ARID1B: variants seen among roughly 807,000 people sequenced by gnomAD.
The protein encoded by ARID1B is AT-rich interactive domain-containing protein 1B.
Under a neutral mutation model 212.3 loss-of-function variants are expected in ARID1B, and 30 were observed. That is an observed-to-expected ratio of 0.14 (90% CI 0.11 to 0.19). The LOEUF is 0.19. ARID1B is among the 10% of genes least tolerant of loss of function. The probability of loss-of-function intolerance (pLI) is 1.00; values close to 1 mark genes in which losing one functional copy is unlikely to be tolerated. For missense variants in ARID1B, 2,891 were observed against 3,204.0 expected (o/e 0.90, Z 2.36); for synonymous variants, 1,402 against 1,301.7 (o/e 1.08, Z -1.66).
At chr6:157,167,444 T>TA in intron 9 of ARID1B, 1 of 316,234 alleles carries the variant, frequency 3.2e-6, no homozygotes, top group Non-Finnish European at 5.7e-6. Flanking sequence ...TGGAGATTGT[T>TA]AAATATGCAC....
At position 156,778,748 on chromosome 6, in the gene ARID1B, C is replaced by T. The variant is rs1778892579; in HGVS notation, c.1068C>T (p.Ala356=). 1 of 1,524,722 alleles carries T rather than the reference C, an allele frequency of 6.6e-7. No individual in the cohort carries two copies. Among genetic ancestry groups the T allele is most frequent in the Non-Finnish European group, 8.8e-7 (1 of 1,134,322 alleles). The allele number at this position is 1,524,722 out of a possible 1,614,324, so 94.4% of individuals were successfully genotyped here. A position where few individuals can be genotyped will look rare whatever the true frequency, so the allele number is the denominator to read the frequency against. Residue 356 remains alanine (A), a synonymous_variant, in exon 1 of 20, where the codon GCC becomes GCT. Transcript: ENST00000636930. ...TGATGCACTCCGCCTCCGCCGCCGC[C>T]GCCGGGGCCCCCGGCAGCATGGACC... The part of the protein sequence containing the change: ...MGMMHSASAA[A]AGAPGSMDPL...
chr6:156,879,903 G>A (rs751645700), intron 2 of ARID1B, among the ~76,000 whole-genome samples: 9 of 152,342 alleles, frequency 5.9e-5, no homozygotes, highest in East Asian at 5.8e-4. Flanking sequence ...TGGGAGAAAA[G>A]CAAAGCAAAA....
At chr6:157,110,772 A>T (rs755101691) in intron 6 of ARID1B, 1 of 594,990 alleles carries the variant, frequency 1.7e-6, no homozygotes, top group Non-Finnish European at 3.0e-6. Flanking sequence ...GTCAAAGTAC[A>T]GTTCAAGGCC....
At chr6:156,923,704 CT>C (rs775655637) in intron 3 of ARID1B, among the ~76,000 whole-genome samples, 847 of 139,830 alleles carry the variant, frequency 6.1e-3, no homozygotes, top group Middle Eastern at 7.2e-3. Context: ...AGTTGATTCT[CT>C]TTTTTTTTTT....
intron 7 of ARID1B, among the ~76,000 whole-genome samples, chr6:157,146,386 C>T (rs1789723842): frequency 6.6e-6 from 1 of 152,172 alleles, no homozygotes; most frequent in African/African-American, 2.4e-5. Flanking sequence ...GCAGGCAGTG[C>T]AGAGGCTCAC....
intron 1 of ARID1B, among the ~76,000 whole-genome samples, chr6:156,808,785 C>T (rs936220891): frequency 6.6e-6 from 1 of 152,094 alleles, no homozygotes; most frequent in Non-Finnish European, 1.5e-5. Flanking sequence ...AATATCAATG[C>T]TCTTATTTTT....
chr6:156,824,942 G>A (rs1224105779), intron 1 of ARID1B, among the ~76,000 whole-genome samples: 1 of 151,060 alleles, frequency 6.6e-6, no homozygotes, highest in African/African-American at 2.4e-5. Context: ...TTGGCTCACT[G>A]CAACCTCTGC....
At chr6:156,830,347 A>G (rs1240231391) in intron 2 of ARID1B, among the ~76,000 whole-genome samples, 1 of 152,210 alleles carries the variant, frequency 6.6e-6, no homozygotes, top group Non-Finnish European at 1.5e-5. Flanking sequence ...GGTAACCCAC[A>G]ACAGGGCTTG....
chr6:156,826,104 T>C (rs1269968818), intron 1 of ARID1B, among the ~76,000 whole-genome samples: 1 of 152,198 alleles, frequency 6.6e-6, no homozygotes, highest in African/African-American at 2.4e-5. Context: ...ATGTCTTGGC[T>C]GGTGAAAGTA....
chr6:157,152,593 T>C (rs964468880), intron 8 of ARID1B, among the ~76,000 whole-genome samples: 3 of 152,238 alleles, frequency 2.0e-5, no homozygotes. Context: ...CACTTCGCAA[T>C]GCACATAACC....
intron 4 of ARID1B, among the ~76,000 whole-genome samples, chr6:156,953,467 A>G (rs1217481023): frequency 6.6e-6 from 1 of 152,240 alleles, no homozygotes; most frequent in Non-Finnish European, 1.5e-5. Context: ...GGAGCAAGAG[A>G]AAAGGAAGGC....
Position 157,182,620 on chromosome 6 carries a change from G to A in ARID1B, c.3714+1442G>A, listed in dbSNP as rs185379726. On this transcript the variant is annotated intron_variant, in intron 12 of 19. Coordinates refer to ENST00000636930, the MANE Select transcript of ARID1B (RefSeq NM_001374828.1). ...CAGTGCTGCGTCTCGGGGGAGAAAGGGGAGGCCTTCTTTGTGCTTAGCCTT... is the reference window on the plus strand; with the variant it reads ...CAGTGCTGCGTCTCGGGGGAGAAAGAGGAGGCCTTCTTTGTGCTTAGCCTT... Among the ~76,000 whole-genome samples, 431 of 152,058 alleles carry A rather than the reference G, an allele frequency of 2.8e-3. 3 individuals carry two copies. The highest frequency in any genetic ancestry group is 9.7e-3 in the African/African-American group (402 of 41,552).
At chr6:157,036,371 C>T (rs1433340328) in intron 4 of ARID1B, 1 of 153,120 alleles carries the variant, frequency 6.5e-6, no homozygotes, top group South Asian at 2.0e-4. Flanking sequence ...CTGCAACATT[C>T]CAGAGATCCA....
intron 1 of ARID1B, among the ~76,000 whole-genome samples, chr6:156,810,118 A>C (rs985767327): frequency 6.6e-6 from 1 of 152,206 alleles, no homozygotes; most frequent in Admixed American, 6.5e-5. Context: ...GTTCCTTGTC[A>C]GCTTATACAC....
At position 157,203,818 on chromosome 6, in the gene ARID1B, A is replaced by C. The variant is rs757894463; in HGVS notation, c.5264-48A>C. ...CTCTTTCGTTAACTTTCGTTCTTTC[A>C]TGCATAGAGTCAACATTCATGATAT... On this transcript the variant is annotated intron_variant, in intron 18 of 19. Coordinates refer to ENST00000636930, the MANE Select transcript of ARID1B (RefSeq NM_001374828.1). This position sits in a 1 kb window ranked among gnomAD's most constrained non-coding sequence, Gnocchi z 4.4. 1 of 1,607,794 alleles carries C rather than the reference A, an allele frequency of 6.2e-7. No individual in the cohort carries two copies. The highest frequency in any genetic ancestry group is 8.5e-7 in the Non-Finnish European group (1 of 1,175,604).
intron 11 of ARID1B, 192 bp downstream of exon 11, chr6:157,175,197 T>C (rs1792019440): frequency 2.3e-6 from 1 of 431,290 alleles, no homozygotes; most frequent in African/African-American, 2.1e-5. Context: ...TTTGCGTGCA[T>C]CAAAGAAGTT....
At chr6:157,047,907 A>G (rs1782344767) in intron 4 of ARID1B, among the ~76,000 whole-genome samples, 1 of 152,256 alleles carries the variant, frequency 6.6e-6, no homozygotes, top group African/African-American at 2.4e-5. Flanking sequence ...ACTTGCCTGT[A>G]AAATTCCTTT....
intron 3 of ARID1B, among the ~76,000 whole-genome samples, chr6:156,930,913 A>G (rs935380451): frequency 2.0e-5 from 3 of 152,202 alleles, no homozygotes; most frequent in Non-Finnish European, 2.9e-5. Flanking sequence ...AAGCTAGGCC[A>G]GGCAGAGTGG....
chr6:157,034,074 T>TA (rs1286767416), intron 4 of ARID1B, among the ~76,000 whole-genome samples: 3 of 152,236 alleles, frequency 2.0e-5, no homozygotes, highest in Non-Finnish European at 2.9e-5. Context: ...TTTTTTTTCT[T>TA]ACTGCTAATT....
Sources: gnomAD v4.1 joint callset for allele counts (sites outside exome capture counted in the v4.1 genomes callset) on GRCh38, gnomAD v4.1.1 for gene constraint, Gnocchi (gnomAD v3.1) non-coding constraint, MANE v1.5 for transcripts, NCBI Gene and HGNC (gene_info 2026-07-23, HGNC 2026-07-21) for gene names.